FANCA: variants seen among roughly 807,000 people sequenced by gnomAD.
The protein encoded by FANCA is Fanconi anemia group A protein.
A neutral mutation model predicts 194.3 loss-of-function variants in FANCA; 236 were observed. That is an observed-to-expected ratio of 1.21 (90% confidence interval 1.09 to 1.35). The LOEUF (loss-of-function observed/expected upper bound fraction) is 1.35. Ranked by LOEUF, FANCA falls within the 40% of genes most tolerant of loss-of-function variation. FANCA has a pLI of 0.00. For synonymous variants in FANCA, 1,014 were observed against 715.8 expected (o/e 1.42, Z -6.65); for missense variants, 2,628 against 1,813.9 (o/e 1.45, Z -8.15).
At chr16:89,797,991 G>C (rs1455060654) in intron 10 of FANCA, among the ~76,000 whole-genome samples, 1 of 152,174 alleles carries the variant, frequency 6.6e-6, no homozygotes, top group Non-Finnish European at 1.5e-5. Context: ...ACATCAGTGT[G>C]AGTAATCTTA....
At chr16:89,766,317 G>A (rs1321518676) in intron 27 of FANCA, among the ~76,000 whole-genome samples, 6 of 151,920 alleles carry the variant, frequency 3.9e-5, no homozygotes, top group African/African-American at 7.2e-5. Context: ...TTTTATACAC[G>A]AGACGTTCAT....
At chr16:89,798,766 G>C (rs2040336088) in intron 10 of FANCA, 3 of 1,390,656 alleles carry the variant, frequency 2.2e-6, no homozygotes, top group African/African-American at 2.9e-5. Flanking sequence ...GGAGTCTGTA[G>C]AGGCACAGCT....
At position 89,769,825 on chromosome 16, in the gene FANCA, A is replaced by AGT; in HGVS notation, c.2504+11_2504+12insAC. On this transcript the variant is annotated intron_variant, in intron 26 of 42. Coordinates refer to ENST00000389301, the MANE Select transcript of FANCA (RefSeq NM_000135.4). ...AGAGGAGAGAAGACGCGACTGTGGAAGAAGAGCTCACTTCAGGCAGAAGAA... is the reference window on the plus strand; with the variant it reads ...AGAGGAGAGAAGACGCGACTGTGGAAGTGAAGAGCTCACTTCAGGCAGAAGAA... 2 of 1,613,920 alleles carry AGT rather than the reference A, an allele frequency of 1.2e-6. No individual in the cohort carries two copies. Among genetic ancestry groups the AGT allele is most frequent in the South Asian group, 2.2e-5 (2 of 91,068 alleles).
chr16:89,792,339 A>T, intron 12 of FANCA, 132 bp downstream of exon 12: 1 of 1,027,474 alleles, frequency 9.7e-7, no homozygotes, highest in South Asian at 1.3e-5. Flanking sequence ...CTTGATGAGG[A>T]CAGCCACATC....
In FANCA at chr16:89,772,022, C is replaced by T. The variant is rs74033865; in HGVS notation, c.2015-208G>A. Among the ~76,000 whole-genome samples the T allele has an allele frequency of 5.4e-3, 828 of 152,276 alleles. 6 individuals carry two copies. Among genetic ancestry groups the T allele is most frequent in the African/African-American group, 0.019 (801 of 41,540 alleles). On this transcript the variant is annotated intron_variant, in intron 22 of 42. Coordinates refer to ENST00000389301, the MANE Select transcript of FANCA (RefSeq NM_000135.4). Reference sequence around the variant, plus strand: ...CAGCATGTGTCATGGCAAATGGGGCCAGACGCCATCCACTACCTTTTCCTG... The same window carrying T: ...CAGCATGTGTCATGGCAAATGGGGCTAGACGCCATCCACTACCTTTTCCTG...
intron 10 of FANCA, chr16:89,798,588 C>A: frequency 8.7e-7 from 1 of 1,148,224 alleles, no homozygotes; most frequent in East Asian, 4.0e-5. Flanking sequence ...GCCCCATTTC[C>A]ACCAAACCCC....
chr16:89,793,787 G>A (rs1262776639), intron 11 of FANCA, among the ~76,000 whole-genome samples: 2 of 151,870 alleles, frequency 1.3e-5, no homozygotes, highest in African/African-American at 4.8e-5. Context: ...GTCTCACTCT[G>A]TCACCCAGGC....
intron 38 of FANCA, 121 bp from the exon 39 acceptor site, chr16:89,740,220 G>A: frequency 1.2e-6 from 1 of 868,264 alleles, no homozygotes; most frequent in Non-Finnish European, 2.0e-6. Context: ...TCTTAAAACT[G>A]GTGACAGTTT....
rs368947676 is a variant in FANCA at position 89,737,903 on chromosome 16, G to T, written c.*698C>A. On this transcript the variant is annotated 3_prime_UTR_variant, in exon 43 of 43. Coordinates refer to ENST00000389301, the MANE Select transcript of FANCA (RefSeq NM_000135.4). ...TGCGACATTCGGGAGCCAAGCCTTT[G>T]CAGTAAGTGTGAGTCAGGACCCCCT... 53 of 1,603,260 alleles carry T rather than the reference G, an allele frequency of 3.3e-5. No individual in the cohort carries two copies. The highest frequency in any genetic ancestry group is 4.5e-5 in the Non-Finnish European group (53 of 1,178,742).
chr16:89,778,285 G>T, intron 20 of FANCA: 1 of 254,434 alleles, frequency 3.9e-6, no homozygotes, highest in South Asian at 3.4e-5. Context: ...GGCCAATATG[G>T]CAAAACCCTG....
chr16:89,740,743 C>T, intron 38 of FANCA, 61 bp downstream of exon 38: 1 of 1,457,718 alleles, frequency 6.9e-7, no homozygotes, highest in Admixed American at 1.7e-5. Flanking sequence ...AGCTGGCTGC[C>T]TGGTGCCCCT....
intron 31 of FANCA, among the ~76,000 whole-genome samples, chr16:89,750,384 G>A (rs1264266242): frequency 6.6e-6 from 1 of 152,144 alleles, no homozygotes; most frequent in Admixed American, 6.5e-5. Flanking sequence ...TCAGGCGGCT[G>A]AGGCAGGAGA....
intron 14 of FANCA, among the ~76,000 whole-genome samples, chr16:89,789,461 G>C (rs1280914325): frequency 8.7e-6 from 1 of 114,534 alleles, no homozygotes; most frequent in Non-Finnish European, 1.7e-5. Context: ...TTTTTTTTGA[G>C]ACAGAGTCTT....
intron 11 of FANCA, among the ~76,000 whole-genome samples, chr16:89,794,778 C>G (rs1333056713): frequency 1.3e-5 from 2 of 152,170 alleles, no homozygotes; most frequent in African/African-American, 4.8e-5. Flanking sequence ...ATTCGTAAGA[C>G]TGATATCTTG....
intron 12 of FANCA, 30 bp from the exon 13 acceptor site, chr16:89,792,098 A>G: frequency 6.2e-7 from 1 of 1,613,930 alleles, no homozygotes; most frequent in Non-Finnish European, 8.5e-7. Flanking sequence ...TCCCTTCAAT[A>G]TCCAAGCAAA....
At chr16:89,749,690 C>A (rs1293960370) in intron 32 of FANCA, 40 bp downstream of exon 32, 14 of 1,591,058 alleles carry the variant, frequency 8.8e-6, no homozygotes, top group Non-Finnish European at 1.1e-5. Context: ...GCTGCCCTGC[C>A]CAGGTGGTGC....
chr16:89,789,436 C>CT lies in FANCA; in HGVS notation c.1359+1966dup, dbSNP rs532159256. Among the ~76,000 whole-genome samples the CT allele has an allele frequency of 7.8e-3, 795 of 102,518 alleles. 16 individuals carry two copies. Among genetic ancestry groups the CT allele is most frequent in the Non-Finnish European group, 9.5e-3 (528 of 55,716 alleles). 67.3% of individuals were successfully genotyped at this position (102,518 alleles called of 152,430 possible). ...GTGGTGATGGCAGGAAAACTCAATACTTTTTTTTTTTTTTTTTTTTTTGAG... is the reference window on the plus strand; with the variant it reads ...GTGGTGATGGCAGGAAAACTCAATACTTTTTTTTTTTTTTTTTTTTTTTGAG... On this transcript the variant is annotated intron_variant, in intron 14 of 42. Coordinates refer to ENST00000389301, the MANE Select transcript of FANCA (RefSeq NM_000135.4).
intron 2 of FANCA, 109 bp from the exon 3 acceptor site, chr16:89,814,722 C>A: frequency 1.3e-6 from 1 of 777,148 alleles, no homozygotes; most frequent in East Asian, 2.6e-5. Context: ...ATGGGCAGAT[C>A]ACGAGGTCAA....
At chr16:89,797,725 G>C (rs942075292) in intron 10 of FANCA, among the ~76,000 whole-genome samples, 5 of 151,962 alleles carry the variant, frequency 3.3e-5, no homozygotes, top group African/African-American at 1.2e-4. Flanking sequence ...CTTAAAAATA[G>C]AAAATACAAA....
Sources: gnomAD v4.1 joint callset for allele counts (sites outside exome capture counted in the v4.1 genomes callset) on GRCh38, gnomAD v4.1.1 for gene constraint, MANE v1.5 for transcripts, NCBI Gene and HGNC (gene_info 2026-07-23, HGNC 2026-07-21) for gene names.